The following PTPRD variants were observed in gnomAD, a reference collection of about 807,000 sequenced individuals.
PTPRD encodes the protein protein tyrosine phosphatase receptor type D, also known as receptor-type tyrosine-protein phosphatase delta.
Under a neutral mutation model 214.5 loss-of-function variants are expected in PTPRD, and 34 were observed. That is an observed-to-expected ratio of 0.16 (90% CI 0.12 to 0.21). The LOEUF (loss-of-function observed/expected upper bound fraction) is 0.21, where lower values mean the gene tolerates loss of function less well. PTPRD is among the 10% of genes least tolerant of loss of function. The pLI, the probability that PTPRD is intolerant of heterozygous loss-of-function variation, is 1.00. For synonymous variants in PTPRD, 1,128 were observed against 845.7 expected, an observed-to-expected ratio of 1.33 and a Z score of -5.79; for missense variants, 2,545 against 2,398.7, an observed-to-expected ratio of 1.06 and a Z score of -1.27.
chr9:10,082,238 G>T (rs2098250880), intron 3 of PTPRD, among the ~76,000 whole-genome samples: 1 of 152,066 alleles, frequency 6.6e-6, no homozygotes, highest in African/African-American at 2.4e-5. Context: ...CAAACATAGT[G>T]TTTGATTGAT....
intron 14 of PTPRD, among the ~76,000 whole-genome samples, chr9:8,541,459 G>A (rs919087952): frequency 6.6e-6 from 1 of 152,096 alleles, no homozygotes; most frequent in Admixed American, 6.5e-5. Context: ...TGAAACTCCT[G>A]AGTTCAAGTG....
At chr9:9,209,090 G>A (rs964333216) in intron 9 of PTPRD, among the ~76,000 whole-genome samples, 1 of 152,008 alleles carries the variant, frequency 6.6e-6, no homozygotes, top group Non-Finnish European at 1.5e-5. Context: ...TTACAGGCTT[G>A]AGCCACCGCG....
At chr9:9,687,583 A>T (rs1358958583) in intron 7 of PTPRD, among the ~76,000 whole-genome samples, 2 of 151,734 alleles carry the variant, frequency 1.3e-5, no homozygotes, top group Non-Finnish European at 2.9e-5. Context: ...TATGTTACTA[A>T]CCTGCACATT....
chr9:9,459,341 A>C (rs1233198983), intron 8 of PTPRD, among the ~76,000 whole-genome samples: 1 of 152,134 alleles, frequency 6.6e-6, no homozygotes, highest in Non-Finnish European at 1.5e-5. Context: ...TAGTAGTGGA[A>C]ATACTGGCCA....
At chr9:8,416,472 G>C (rs2093945681) in intron 35 of PTPRD, among the ~76,000 whole-genome samples, 1 of 152,152 alleles carries the variant, frequency 6.6e-6, no homozygotes, top group African/African-American at 2.4e-5. Flanking sequence ...AGGGAAAAAA[G>C]AGAGTTGCAG....
At chr9:10,388,153 T>C (rs557010808) in intron 2 of PTPRD, among the ~76,000 whole-genome samples, 1 of 151,868 alleles carries the variant, frequency 6.6e-6, no homozygotes, top group East Asian at 1.9e-4. Flanking sequence ...AATGGAAATG[T>C]AAATATAAAT....
At chr9:8,430,333 G>A (rs982467681) in intron 35 of PTPRD, among the ~76,000 whole-genome samples, 3 of 151,606 alleles carry the variant, frequency 2.0e-5, no homozygotes, top group Admixed American at 6.6e-5. Flanking sequence ...GCAGTGACAT[G>A]ATCTCAGCTC....
chr9:10,408,452 G>A (rs2098399562), intron 2 of PTPRD, among the ~76,000 whole-genome samples: 1 of 151,582 alleles, frequency 6.6e-6, no homozygotes. Flanking sequence ...ATGGTGCAAT[G>A]GAATCTCAGT....
intron 12 of PTPRD, among the ~76,000 whole-genome samples, chr9:8,675,386 T>A (rs1241381775): frequency 2.0e-5 from 3 of 151,884 alleles, no homozygotes; most frequent in African/African-American, 7.3e-5. Context: ...GATTCATTAA[T>A]CAATAGATGA....
chr9:10,468,597 T>C (rs2099009985), intron 2 of PTPRD, among the ~76,000 whole-genome samples: 1 of 152,206 alleles, frequency 6.6e-6, no homozygotes, highest in African/African-American at 2.4e-5. Context: ...TGTATACCTA[T>C]GTAACTAACC....
intron 7 of PTPRD, among the ~76,000 whole-genome samples, chr9:9,627,844 G>A (rs1456461044): frequency 6.6e-6 from 1 of 152,172 alleles, no homozygotes; most frequent in Non-Finnish European, 1.5e-5. Context: ...TAGGTACTAT[G>A]CTAGGTGCTG....
intron 2 of PTPRD, among the ~76,000 whole-genome samples, chr9:10,506,975 T>A (rs1376351280): frequency 6.6e-6 from 1 of 152,092 alleles, no homozygotes; most frequent in African/African-American, 2.4e-5. Flanking sequence ...TCCAACACTA[T>A]GTTGAATAGG....
At chr9:8,324,838 T>G (rs963053714) in intron 44 of PTPRD, among the ~76,000 whole-genome samples, 3 of 151,872 alleles carry the variant, frequency 2.0e-5, no homozygotes, top group Non-Finnish European at 4.4e-5. Context: ...GATTTGCATT[T>G]CTCTAATGAC....
At chr9:10,169,950 G>T (rs1419780213) in intron 3 of PTPRD, among the ~76,000 whole-genome samples, 2 of 152,114 alleles carry the variant, frequency 1.3e-5, no homozygotes, top group Admixed American at 1.3e-4. Context: ...ATTCAAATAA[G>T]AAAAGATAAA....
intron 9 of PTPRD, among the ~76,000 whole-genome samples, chr9:9,238,272 T>C (rs572874096): frequency 1.3e-5 from 2 of 152,186 alleles, no homozygotes; most frequent in African/African-American, 4.8e-5. Flanking sequence ...GCTTTGAGGA[T>C]ACCAAGGGTT....
chr9:9,943,419 T>G (rs1431996973), intron 4 of PTPRD, among the ~76,000 whole-genome samples: 2 of 151,734 alleles, frequency 1.3e-5, no homozygotes, highest in Non-Finnish European at 2.9e-5. Context: ...TTGAAATTCA[T>G]TCATTCATTC....
intron 39 of PTPRD, among the ~76,000 whole-genome samples, chr9:8,361,159 A>C (rs1233338462): frequency 6.6e-6 from 1 of 152,128 alleles, no homozygotes; most frequent in African/African-American, 2.4e-5. Context: ...TAAAACTGCT[A>C]TTTTTTTCTA....
intron 7 of PTPRD, among the ~76,000 whole-genome samples, chr9:9,655,270 T>C (rs2154375718): frequency 6.6e-6 from 1 of 152,240 alleles, no homozygotes; most frequent in African/African-American, 2.4e-5. Flanking sequence ...GAAAACAATC[T>C]GATTAAAAAA....
intron 11 of PTPRD, among the ~76,000 whole-genome samples, chr9:8,810,671 T>C (rs1189994865): frequency 6.6e-6 from 1 of 152,202 alleles, no homozygotes. Flanking sequence ...TTTGCCATTC[T>C]CCAGTTTTTA....
Sources: gnomAD v4.1 joint callset for allele counts (sites outside exome capture counted in the v4.1 genomes callset) on GRCh38, gnomAD v4.1.1 for gene constraint, MANE v1.5 for transcripts, NCBI Gene and HGNC (gene_info 2026-07-23, HGNC 2026-07-21) for gene names.